Variants in TTC28 observed in about 807,000 individuals in gnomAD.
TTC28 encodes the protein tetratricopeptide repeat domain 28, also known as tetratricopeptide repeat protein 28.
In TTC28, 61 loss-of-function variants were observed where a neutral mutation model predicts 198.0. The ratio of observed to expected loss-of-function variants is 0.31; its 90% CI spans 0.25 to 0.38. The LOEUF (loss-of-function observed/expected upper bound fraction) is 0.38, where lower values mean the gene tolerates loss of function less well. TTC28 is among the 10% of genes least tolerant of loss of function. TTC28 has a pLI of 1.00. For synonymous variants in TTC28, 1,171 were observed against 1,297.8 expected (o/e 0.90, Z 2.10); for missense variants, 2,678 against 3,164.0 (o/e 0.85, Z 3.69).
At chr22:28,561,029 T>C (rs1289416926) in intron 2 of TTC28, among the ~76,000 whole-genome samples, 1 of 150,360 alleles carries the variant, frequency 6.7e-6, no homozygotes, top group Non-Finnish European at 1.5e-5. Flanking sequence ...TGTGCTGGGA[T>C]TACAGGCATG....
intron 2 of TTC28, among the ~76,000 whole-genome samples, chr22:28,574,391 T>G (rs953953842): frequency 3.3e-5 from 5 of 152,104 alleles, no homozygotes; most frequent in African/African-American, 1.2e-4. Flanking sequence ...TGTGAGTGTG[T>G]GTGTGTTCCA....
intron 2 of TTC28, among the ~76,000 whole-genome samples, chr22:28,423,157 C>T (rs2047288585): frequency 2.6e-5 from 4 of 152,160 alleles, no homozygotes; most frequent in Non-Finnish European, 4.4e-5. Flanking sequence ...TTTGGGAGGC[C>T]GAGGCAGGCA....
chr22:28,443,324 T>C (rs556306190), intron 2 of TTC28, among the ~76,000 whole-genome samples: 1 of 152,300 alleles, frequency 6.6e-6, no homozygotes, highest in South Asian at 2.1e-4. Flanking sequence ...CGAATTCTCC[T>C]CTTCTCAAAA....
At chr22:28,679,024 C>A (rs1167102457) in intron 1 of TTC28, among the ~76,000 whole-genome samples, 2 of 152,214 alleles carry the variant, frequency 1.3e-5, no homozygotes, top group Admixed American at 1.3e-4. Flanking sequence ...TCCCGTCCAG[C>A]GGGAGCCCCA....
At chr22:28,569,490 A>G (rs1329566348) in intron 2 of TTC28, among the ~76,000 whole-genome samples, 1 of 152,242 alleles carries the variant, frequency 6.6e-6, no homozygotes, top group Non-Finnish European at 1.5e-5. Context: ...GTGCTACAGT[A>G]ACTGGCTAGT....
chr22:28,015,379 T>A (rs187097435), intron 13 of TTC28, among the ~76,000 whole-genome samples: 155 of 145,920 alleles, frequency 1.1e-3, no homozygotes, highest in Middle Eastern at 3.8e-3. Context: ...ATTTTTTTTT[T>A]AAACAGACAA....
chr22:28,205,610 G>C (rs927108856), intron 5 of TTC28, among the ~76,000 whole-genome samples: 1 of 152,030 alleles, frequency 6.6e-6, no homozygotes, highest in African/African-American at 2.4e-5. Flanking sequence ...AATTAAATGA[G>C]AATTTTCAAT....
chr22:28,086,764 T>C (rs1167834108), intron 12 of TTC28, among the ~76,000 whole-genome samples: 1 of 151,922 alleles, frequency 6.6e-6, no homozygotes, highest in Non-Finnish European at 1.5e-5. Context: ...GATAGACCAC[T>C]AGCAAGACTA....
In TTC28 at chr22:28,335,562, T is replaced by C. The variant is rs905731992; in HGVS notation, c.382-28919A>G. Among the ~76,000 whole-genome samples the C allele has an allele frequency of 3.3e-5, 5 of 152,228 alleles. No individual in the cohort carries two copies. The South Asian group carries it at 6.2e-4, about 19-fold the overall frequency. ...TTGAAGAGGTCTTTCATGTCCCTTG[T>C]AAGTTGGATTCCTAGGTATTTTATT... is the stretch of plus-strand genomic sequence containing the variant. On this transcript the variant is annotated intron_variant, in intron 2 of 22. Coordinates refer to ENST00000397906, the MANE Select transcript of TTC28 (RefSeq NM_001145418.2).
chr22:28,400,877 A>G lies in TTC28; in HGVS notation c.382-94234T>C, dbSNP rs149471545. On this transcript the variant is annotated intron_variant, in intron 2 of 22. Coordinates refer to ENST00000397906, the MANE Select transcript of TTC28 (RefSeq NM_001145418.2). ...TATTCTAAACAAGTACACATAAGAA[A>G]TCCAACAAGAGTCCAATCTAATTTC... Among the ~76,000 whole-genome samples, 222 of 152,324 alleles carry G rather than the reference A, an allele frequency of 1.5e-3. 1 individual carries two copies. Among genetic ancestry groups the G allele is most frequent in the African/African-American group, 4.0e-3 (166 of 41,582 alleles).
intron 2 of TTC28, among the ~76,000 whole-genome samples, chr22:28,457,966 G>A (rs1030725064): frequency 1.3e-5 from 2 of 151,890 alleles, no homozygotes; most frequent in Admixed American, 1.3e-4. Context: ...ATTATACGTG[G>A]TCTTTATTTA....
chr22:28,122,410 C>T (rs1942811194), intron 6 of TTC28, among the ~76,000 whole-genome samples: 1 of 152,078 alleles, frequency 6.6e-6, no homozygotes, highest in African/African-American at 2.4e-5. Context: ...CCATTGTAAG[C>T]CAGATTTTCT....
chr22:28,294,564 T>C (rs2044852991), intron 5 of TTC28, among the ~76,000 whole-genome samples: 1 of 143,802 alleles, frequency 7.0e-6, no homozygotes, highest in Non-Finnish European at 1.5e-5. Flanking sequence ...AGCTCTTGCC[T>C]TTTTTTTTTT....
At chr22:28,647,794 G>T (rs1489324611) in intron 1 of TTC28, among the ~76,000 whole-genome samples, 1 of 151,674 alleles carries the variant, frequency 6.6e-6, no homozygotes, top group Non-Finnish European at 1.5e-5. Context: ...AGCCAAGATC[G>T]AGCCACTGCA....
chr22:28,299,496 C>T (rs539691672), intron 3 of TTC28, among the ~76,000 whole-genome samples: 20 of 152,186 alleles, frequency 1.3e-4, no homozygotes, highest in South Asian at 4.2e-4. Context: ...AGATTCAAGC[C>T]GTGCAGAGTG....
At chr22:28,229,399 T>TA (rs1192326607) in intron 5 of TTC28, among the ~76,000 whole-genome samples, 1 of 152,162 alleles carries the variant, frequency 6.6e-6, no homozygotes, top group Non-Finnish European at 1.5e-5. Flanking sequence ...ACAGCTATCA[T>TA]AATGAACTGC....
Position 28,306,530 on chromosome 22 carries a change from C to A in TTC28, c.495G>T (p.Gly165=). The change falls in exon 3 of 23, where the codon GGG becomes GGT. Residue 165 remains glycine, a synonymous_variant. Coordinates refer to ENST00000397906, the MANE Select transcript of TTC28 (RefSeq NM_001145418.2). The part of the protein sequence containing the change: ...QDPKSLQLLV[G]MVEAAMKSPM... ...GAGATTTCATGGCGGCTTCCACCAT[C>A]CCCACCAGAAGCTGGAGACTCTTGG... 6.4e-7 allele frequency: 1 copy of A among 1,550,816 alleles called. No homozygotes were observed. The highest frequency in any genetic ancestry group is 8.7e-7 in the Non-Finnish European group (1 of 1,146,786).
intron 2 of TTC28, among the ~76,000 whole-genome samples, chr22:28,586,682 C>A (rs1448805591): frequency 6.6e-6 from 1 of 152,122 alleles, no homozygotes; most frequent in African/African-American, 2.4e-5. Context: ...CAGGAATGAA[C>A]CTCATACCTG....
intron 2 of TTC28, among the ~76,000 whole-genome samples, chr22:28,563,138 A>G (rs2049915403): frequency 6.6e-6 from 1 of 152,148 alleles, no homozygotes; most frequent in Admixed American, 6.5e-5. Flanking sequence ...AATAAGAAGA[A>G]GAATAAGATA....
Sources: allele counts gnomAD v4.1 joint callset (sites outside exome capture counted in the v4.1 genomes callset), GRCh38; gene constraint gnomAD v4.1.1; transcripts MANE v1.5; gene names NCBI Gene and HGNC (gene_info 2026-07-23, HGNC 2026-07-21).